The following NKAIN3 variants were observed in gnomAD, a reference collection of about 807,000 sequenced individuals.
NKAIN3 encodes sodium/potassium transporting ATPase interacting 3, also known as sodium/potassium-transporting ATPase subunit beta-1-interacting protein 3.
Under a neutral mutation model 30.2 loss-of-function variants are expected in NKAIN3, and 25 were observed. That is an observed-to-expected ratio of 0.83 (90% confidence interval 0.60 to 1.16). The LOEUF (loss-of-function observed/expected upper bound fraction) is 1.16. Among genes scored for constraint, NKAIN3 ranks in the 50% most tolerant of loss-of-function variants. NKAIN3 has a pLI of 0.00. For missense variants in NKAIN3, 225 were observed against 254.1 expected (o/e 0.89, Z 0.78); for synonymous variants, 91 against 89.6 (o/e 1.02, Z -0.09).
At chr8:62,604,403 G>A (rs1383196) in intron 3 of NKAIN3, among the ~76,000 whole-genome samples, 72,768 of 151,902 alleles carry the variant, frequency 0.48, 18,753 homozygotes, top group Non-Finnish European at 0.58. Context: ...AGTAATTGTC[G>A]GTGTGCTTGC....
chr8:62,886,228 A>C (rs150525296), intron 4 of NKAIN3, among the ~76,000 whole-genome samples: 1 of 152,032 alleles, frequency 6.6e-6, no homozygotes, highest in East Asian at 1.9e-4. Context: ...TCCACTTTCA[A>C]ATAACACTAT....
At chr8:62,919,880 C>A (rs376938653) in intron 5 of NKAIN3, among the ~76,000 whole-genome samples, 1 of 148,972 alleles carries the variant, frequency 6.7e-6, no homozygotes, top group Non-Finnish European at 1.5e-5. Context: ...AGACAAATTG[C>A]ATCATGTATT....
intron 3 of NKAIN3, among the ~76,000 whole-genome samples, chr8:62,612,575 T>C (rs1312870234): frequency 6.6e-6 from 1 of 151,956 alleles, no homozygotes; most frequent in Non-Finnish European, 1.5e-5. Flanking sequence ...TCCATGTCTT[T>C]TGATTAAAGA....
chr8:62,813,511 T>A (rs530253723), intron 4 of NKAIN3, among the ~76,000 whole-genome samples: 34 of 151,840 alleles, frequency 2.2e-4, no homozygotes, highest in Non-Finnish European at 3.8e-4. Context: ...TTTTTTTTTT[T>A]TTATTAATCC....
At chr8:62,465,128 T>G (rs1371067688) in intron 1 of NKAIN3, among the ~76,000 whole-genome samples, 1 of 152,190 alleles carries the variant, frequency 6.6e-6, no homozygotes, top group East Asian at 1.9e-4. Flanking sequence ...GTTTTATAGA[T>G]TAAAGAGATT....
intron 4 of NKAIN3, among the ~76,000 whole-genome samples, chr8:62,842,867 A>G (rs1293117430): frequency 6.6e-6 from 1 of 152,098 alleles, no homozygotes; most frequent in Non-Finnish European, 1.5e-5. Flanking sequence ...TAAACTCAAA[A>G]TGATTAAAGA....
At chr8:62,344,333 T>C (rs977815557) in intron 1 of NKAIN3, among the ~76,000 whole-genome samples, 9 of 152,120 alleles carry the variant, frequency 5.9e-5, no homozygotes, top group Non-Finnish European at 1.0e-4. Flanking sequence ...ATATTATACA[T>C]AAGTGCATAG....
At chr8:62,904,187 G>C (rs935001001) in intron 4 of NKAIN3, among the ~76,000 whole-genome samples, 1 of 152,176 alleles carries the variant, frequency 6.6e-6, no homozygotes, top group African/African-American at 2.4e-5. Context: ...ATTCAGGCTT[G>C]CTATGAGGGT....
chr8:62,881,969 C>T lies in NKAIN3; in HGVS notation c.472-36484C>T, dbSNP rs375701148. 1.5e-4 allele frequency among the ~76,000 whole-genome samples: 23 copies of T among 152,220 alleles called. No individual in the cohort carries two copies. In the East Asian group the frequency reaches 2.9e-3, roughly 19 times the overall value. ...TAATAGGTGTGTAATGGTATCCCAT[C>T]GTTGTTTTAATTTGCAATACCTTAG... On this transcript the variant is annotated intron_variant, in intron 4 of 6. Coordinates refer to ENST00000623646, the MANE Select transcript of NKAIN3 (RefSeq NM_001304533.3).
intron 1 of NKAIN3, among the ~76,000 whole-genome samples, chr8:62,566,568 G>A (rs1229559429): frequency 1.3e-5 from 2 of 152,118 alleles, no homozygotes; most frequent in Non-Finnish European, 2.9e-5. Flanking sequence ...AATGTTTTAT[G>A]TTTGCATCAC....
At chr8:62,954,207 C>T (rs1018135032) in intron 6 of NKAIN3, among the ~76,000 whole-genome samples, 5 of 151,998 alleles carry the variant, frequency 3.3e-5, no homozygotes, top group African/African-American at 1.2e-4. Context: ...TGTCTTATTC[C>T]CCTTATCAAT....
chr8:62,805,420 A>G (rs1320744932), intron 4 of NKAIN3, among the ~76,000 whole-genome samples: 4 of 152,154 alleles, frequency 2.6e-5, no homozygotes, highest in Non-Finnish European at 5.9e-5. Flanking sequence ...GGCTACAGTA[A>G]CCAAAACAGC....
intron 6 of NKAIN3, among the ~76,000 whole-genome samples, chr8:62,963,247 A>G (rs1245832730): frequency 6.6e-6 from 1 of 152,146 alleles, no homozygotes; most frequent in Non-Finnish European, 1.5e-5. Context: ...AGGTTTGCCA[A>G]TAGGTTTTCC....
At chr8:62,556,367 T>A in intron 1 of NKAIN3, among the ~76,000 whole-genome samples, 1 of 149,606 alleles carries the variant, frequency 6.7e-6, no homozygotes, top group African/African-American at 2.4e-5. Flanking sequence ...AAGGAAAAAA[T>A]GAAAATGGAA....
At chr8:62,525,901 A>G (rs1808291802) in intron 1 of NKAIN3, among the ~76,000 whole-genome samples, 2 of 152,190 alleles carry the variant, frequency 1.3e-5, no homozygotes. Context: ...TAGAACCATG[A>G]TTACATGGTC....
chr8:62,985,465 A>G (rs1472435070), downstream of NKAIN3, among the ~76,000 whole-genome samples: 2 of 152,138 alleles, frequency 1.3e-5, no homozygotes, highest in Non-Finnish European at 2.9e-5. Flanking sequence ...GTTGCTCCCA[A>G]GGAGATCTGC....
chr8:62,640,923 T>C (rs890543485), intron 3 of NKAIN3, among the ~76,000 whole-genome samples: 1 of 152,156 alleles, frequency 6.6e-6, no homozygotes, highest in African/African-American at 2.4e-5. Context: ...GTGTCCACAT[T>C]CTTTAACCCC....
rs142598236 is a variant in NKAIN3, at chr8:62,277,507, C to T, written c.54+28380C>T. On this transcript the variant is annotated intron_variant, in intron 1 of 6. Coordinates refer to ENST00000623646, the MANE Select transcript of NKAIN3 (RefSeq NM_001304533.3). ...CTTTGGTGGTGACTGACGTCTCATG[C>T]GTAAGAAAGGTGAGTCATTATCCTT... Among the ~76,000 whole-genome samples the T allele has an allele frequency of 2.6e-4, 40 of 152,108 alleles. No individual in the cohort carries two copies. The East Asian group carries it at 7.0e-3, about 27-fold the overall frequency.
At chr8:62,754,130 A>C (rs1816374193) in intron 4 of NKAIN3, among the ~76,000 whole-genome samples, 1 of 152,164 alleles carries the variant, frequency 6.6e-6, no homozygotes, top group South Asian at 2.1e-4. Flanking sequence ...AGAAAATCAG[A>C]AGAGATGTTA....
Sources: allele counts gnomAD v4.1 joint callset (sites outside exome capture counted in the v4.1 genomes callset), GRCh38; gene constraint gnomAD v4.1.1; transcripts MANE v1.5; gene names NCBI Gene and HGNC (gene_info 2026-07-23, HGNC 2026-07-21).